Variants in CDC42SE2 observed in about 807,000 individuals in gnomAD.
CDC42SE2 encodes CDC42 small effector 2, also known as CDC42 small effector protein 2.
In CDC42SE2, 3 loss-of-function variants were observed where a neutral mutation model predicts 11.5. That is an observed-to-expected ratio of 0.26 (90% CI 0.12 to 0.67). The LOEUF is 0.67. CDC42SE2 is among the 30% of genes least tolerant of loss of function. The pLI is 0.80. For missense variants in CDC42SE2, 82 were observed against 106.8 expected, an observed-to-expected ratio of 0.77 and a Z score of 1.02; for synonymous variants, 33 against 34.8, an observed-to-expected ratio of 0.95 and a Z score of 0.18.
chr5:131,222,513 G>A, the CDC42SE2 span, among the ~76,000 whole-genome samples: 1 of 152,196 alleles, frequency 6.6e-6, no homozygotes, highest in African/African-American at 2.4e-5. Flanking sequence ...TGCATTATTT[G>A]ATAATGACAT....
At chr5:131,316,822 GT>G (rs1758048733) in intron 2 of CDC42SE2, among the ~76,000 whole-genome samples, 1 of 152,096 alleles carries the variant, frequency 6.6e-6, no homozygotes, top group Admixed American at 6.5e-5. Context: ...TGTTTAAGCA[GT>G]TTTGCCTTGA....
chr5:131,326,854 T>G (rs1229607967), intron 2 of CDC42SE2, among the ~76,000 whole-genome samples: 1 of 152,108 alleles, frequency 6.6e-6, no homozygotes, highest in African/African-American at 2.4e-5. Flanking sequence ...GACTCAATCA[T>G]TCTGCCTTGG....
At chr5:131,382,378 C>G (rs1316821082) in intron 3 of CDC42SE2, among the ~76,000 whole-genome samples, 4 of 152,190 alleles carry the variant, frequency 2.6e-5, no homozygotes, top group African/African-American at 9.7e-5. Flanking sequence ...ACTATGGTTT[C>G]TGTTCTCCCC....
At chr5:131,271,394 G>GA (rs1265373883) in intron 1 of CDC42SE2, among the ~76,000 whole-genome samples, 3 of 151,902 alleles carry the variant, frequency 2.0e-5, no homozygotes, top group South Asian at 2.1e-4. Flanking sequence ...TATTTAAAAA[G>GA]AAAAAACAGA....
At chr5:131,281,388 A>T (rs576125814) in intron 1 of CDC42SE2, among the ~76,000 whole-genome samples, 11 of 152,220 alleles carry the variant, frequency 7.2e-5, no homozygotes, top group Non-Finnish European at 1.5e-4. Context: ...TGTGGTCTAC[A>T]GAAGAGACTT....
intron 1 of CDC42SE2, among the ~76,000 whole-genome samples, chr5:131,314,426 A>G (rs1757998428): frequency 6.6e-6 from 1 of 151,976 alleles, no homozygotes; most frequent in Admixed American, 6.6e-5. Flanking sequence ...GTTGTTGTTG[A>G]GACAGGGTCT....
intron 3 of CDC42SE2, among the ~76,000 whole-genome samples, chr5:131,380,466 T>C (rs1750289402): frequency 6.6e-6 from 1 of 152,308 alleles, no homozygotes; most frequent in East Asian, 1.9e-4. Flanking sequence ...TATTATACAG[T>C]ACCCCAAACA....
intron 1 of CDC42SE2, among the ~76,000 whole-genome samples, chr5:131,274,898 T>G (rs1451409869): frequency 1.3e-5 from 2 of 152,200 alleles, no homozygotes; most frequent in African/African-American, 4.8e-5. Flanking sequence ...ATTTCCTGAA[T>G]GAATGACTGT....
intron 1 of CDC42SE2, among the ~76,000 whole-genome samples, chr5:131,302,777 T>C (rs1405602162): frequency 6.6e-6 from 1 of 152,088 alleles, no homozygotes; most frequent in African/African-American, 2.4e-5. Flanking sequence ...AGTGGTTGTA[T>C]CATTATGACT....
chr5:131,306,179 G>A (rs1757773597), intron 1 of CDC42SE2, among the ~76,000 whole-genome samples: 1 of 152,156 alleles, frequency 6.6e-6, no homozygotes, highest in Non-Finnish European at 1.5e-5. Flanking sequence ...TCCTGCCTGG[G>A]AAATCATCCT....
At chr5:131,333,649 A>G (rs551654095) in intron 2 of CDC42SE2, among the ~76,000 whole-genome samples, 142 of 152,124 alleles carry the variant, frequency 9.3e-4, no homozygotes, top group South Asian at 6.2e-3. Context: ...TCATTGAGCA[A>G]TGGTTTGTAG....
intron 2 of CDC42SE2, among the ~76,000 whole-genome samples, chr5:131,335,943 T>G (rs971142603): frequency 6.6e-6 from 1 of 152,226 alleles, no homozygotes; most frequent in East Asian, 1.9e-4. Context: ...CTGTGCCTTT[T>G]AATTGGAGCA....
At chr5:131,253,259 G>A (rs1756655351) in intron 1 of CDC42SE2, 1 of 152,196 alleles carries the variant, frequency 6.6e-6, no homozygotes, top group Non-Finnish European at 1.5e-5. Context: ...GATGTCAGAG[G>A]TAGTATGAGG....
chr5:131,244,421 C>T (rs563612361), upstream of CDC42SE2, among the ~76,000 whole-genome samples: 40 of 152,270 alleles, frequency 2.6e-4, no homozygotes, highest in African/African-American at 9.1e-4. Context: ...ACACAAAAAA[C>T]ATCTTCAGGC....
At chr5:131,310,197 G>C (rs905037312) in intron 1 of CDC42SE2, among the ~76,000 whole-genome samples, 2 of 151,662 alleles carry the variant, frequency 1.3e-5, no homozygotes, top group African/African-American at 4.9e-5. Flanking sequence ...CCTTCATTTT[G>C]TTATGTACCC....
Position 131,270,236 on chromosome 5 carries a change from G to A in CDC42SE2, c.-455+6070G>A, listed in dbSNP as rs561205119. On this transcript the variant is annotated intron_variant, in intron 1 of 4. Transcript: ENST00000505065. Reference sequence around the variant, plus strand: ...AAAAGATACAAAAAATTATCCGGGCGTGGTGGCAGGCACCTGTAGTCCCAG... The same window carrying A: ...AAAAGATACAAAAAATTATCCGGGCATGGTGGCAGGCACCTGTAGTCCCAG... Among the ~76,000 whole-genome samples, 24 of 151,898 alleles carry A rather than the reference G, an allele frequency of 1.6e-4. 1 individual carries two copies. The South Asian group carries it at 3.1e-3, about 20-fold the overall frequency.
At position 131,330,826 on chromosome 5, in the gene CDC42SE2, G is replaced by C. The variant is rs527329206; in HGVS notation, c.-286+14682G>C. On this transcript the variant is annotated intron_variant, in intron 2 of 4. Transcript: ENST00000505065. Reference sequence around the variant, plus strand: ...GAGTCCAGGAGTTCGAGACTAGCCTGGGAAACATATAGACCCTGCCTTTAC... The same window carrying C: ...GAGTCCAGGAGTTCGAGACTAGCCTCGGAAACATATAGACCCTGCCTTTAC... Among the ~76,000 whole-genome samples the C allele has an allele frequency of 4.0e-5, 6 of 149,230 alleles. No homozygotes were observed. In the East Asian group the frequency reaches 1.2e-3, roughly 29 times the overall value.
At position 131,391,186 on chromosome 5, in the gene CDC42SE2, T is replaced by G. The variant is rs1424545370; in HGVS notation, c.*95T>G. The G allele has an allele frequency of 4.2e-6, 2 of 470,960 alleles. No individual in the cohort carries two copies. Among genetic ancestry groups the G allele is most frequent in the East Asian group, 4.8e-5 (1 of 21,032 alleles). 29.2% of individuals were successfully genotyped at this position (470,960 alleles called of 1,614,324 possible). A position where few individuals can be genotyped will look rare whatever the true frequency, so the allele number is the denominator to read the frequency against. On this transcript the variant is annotated 3_prime_UTR_variant, in exon 5 of 5. Transcript: ENST00000505065. The stretch of plus-strand genomic sequence containing the variant: ...ATAATAGTAAATATATGTATATATA[T>G]ATAATTTTTTAATGGTGAACTTATT...
At position 131,334,342 on chromosome 5, in the gene CDC42SE2, G is replaced by T. The variant is rs189779436; in HGVS notation, c.-286+18198G>T. Among the ~76,000 whole-genome samples, 879 of 152,290 alleles carry T rather than the reference G, an allele frequency of 5.8e-3. 4 individuals carry two copies. The highest frequency in any genetic ancestry group is 0.01 in the Middle Eastern group (3 of 294). On this transcript the variant is annotated intron_variant, in intron 2 of 4. Coordinates refer to ENST00000505065, the MANE Select transcript of CDC42SE2 (RefSeq NM_001375635.1). Reference sequence around the variant, plus strand: ...CTTGATCATGGTTGATAAGCTTTTTGATGTGTTGCTGGATTTGGTTTGCCA... The same window carrying T: ...CTTGATCATGGTTGATAAGCTTTTTTATGTGTTGCTGGATTTGGTTTGCCA...
Sources: allele counts gnomAD v4.1 joint callset (sites outside exome capture counted in the v4.1 genomes callset), GRCh38; gene constraint gnomAD v4.1.1; transcripts MANE v1.5; gene names NCBI Gene and HGNC (gene_info 2026-07-23, HGNC 2026-07-21).